Variants in GRIA4 observed in about 807,000 individuals in gnomAD.
The protein encoded by GRIA4 is glutamate receptor 4.
GRIA4 carries 34 observed loss-of-function variants against 104.0 expected under a neutral mutation model. That is an observed-to-expected ratio of 0.33 (90% CI 0.25 to 0.44). The LOEUF (loss-of-function observed/expected upper bound fraction) is 0.44, where lower values mean the gene tolerates loss of function less well. Ranked by LOEUF, GRIA4 falls within the 20% of genes least tolerant of loss-of-function variation. The pLI is 1.00. For missense variants in GRIA4, 750 were observed against 1,096.5 expected (o/e 0.68, Z 4.46); for synonymous variants, 386 against 381.9 (o/e 1.01, Z -0.13).
chr11:105,744,357 G>A (rs1218249870), intron 3 of GRIA4, among the ~76,000 whole-genome samples: 1 of 152,134 alleles, frequency 6.6e-6, no homozygotes, highest in Non-Finnish European at 1.5e-5. Flanking sequence ...TACTAAAGAA[G>A]GAGAAAACAC....
chr11:105,875,487 T>A (rs1364463902), intron 5 of GRIA4, among the ~76,000 whole-genome samples: 2 of 152,196 alleles, frequency 1.3e-5, no homozygotes, highest in Non-Finnish European at 2.9e-5. Flanking sequence ...TCAGAAGGAA[T>A]GGTACCAACT....
intron 4 of GRIA4, among the ~76,000 whole-genome samples, chr11:105,849,409 C>T (rs772122765): frequency 7.9e-5 from 12 of 152,148 alleles, no homozygotes; most frequent in Non-Finnish European, 1.5e-4. Flanking sequence ...CTGAAGGAGA[C>T]ACCTAGTGTA....
At chr11:105,709,319 A>G (rs1289935198) in intron 3 of GRIA4, among the ~76,000 whole-genome samples, 1 of 152,168 alleles carries the variant, frequency 6.6e-6, no homozygotes, top group Non-Finnish European at 1.5e-5. Flanking sequence ...CAGCTTTTCC[A>G]TATGGTAAAC....
chr11:105,941,902 A>AAAG (rs1362975816), intron 14 of GRIA4, among the ~76,000 whole-genome samples: 2 of 152,220 alleles, frequency 1.3e-5, no homozygotes, highest in Middle Eastern at 6.8e-3. Context: ...ATTTTGTAAT[A>AAAG]ATAACAGGCC....
intron 4 of GRIA4, among the ~76,000 whole-genome samples, chr11:105,821,018 C>G (rs1279828157): frequency 7.9e-5 from 12 of 152,124 alleles, no homozygotes; most frequent in Admixed American, 7.9e-4. Context: ...AATTGGTTCT[C>G]TATTTACTGT....
chr11:105,909,996 T>C (rs1947173948), intron 9 of GRIA4, among the ~76,000 whole-genome samples: 2 of 152,198 alleles, frequency 1.3e-5, no homozygotes, highest in Admixed American at 1.3e-4. Flanking sequence ...CAAGTTTCTT[T>C]TGCTTGAAAA....
chr11:105,623,924 C>T (rs1045082479), intron 3 of GRIA4, among the ~76,000 whole-genome samples: 4 of 151,974 alleles, frequency 2.6e-5, no homozygotes, highest in Non-Finnish European at 5.9e-5. Context: ...AAATAGGAAT[C>T]GGTAAATATC....
chr11:105,699,683 C>G (rs1183728638), intron 3 of GRIA4, among the ~76,000 whole-genome samples: 1 of 152,028 alleles, frequency 6.6e-6, no homozygotes, highest in Non-Finnish European at 1.5e-5. Context: ...ACACTTATTT[C>G]CTCTGCTTGG....
In GRIA4 at chr11:105,972,011, A is replaced by T. The variant is rs751426589; in HGVS notation, c.2392A>T (p.Lys798Ter). ...WWYDKGECGP[K>*]DSGSKDKTSA... ...GTACGATAAAGGTGAATGTGGACCC[A>T]AGGACTCTGGAAGCAAGGTCAGTCG... Residue 798 changes from lysine (K) to a stop codon, truncating the protein, a stop_gained, in exon 15 of 17, where the codon AAG becomes TAG. Coordinates refer to ENST00000282499, the MANE Select transcript of GRIA4 (RefSeq NM_000829.4). LOFTEE classifies it high-confidence loss of function. 1 of 1,611,340 alleles carries T rather than the reference A, an allele frequency of 6.2e-7. No individual in the cohort carries two copies. Among genetic ancestry groups the T allele is most frequent in the Non-Finnish European group, 8.5e-7 (1 of 1,177,750 alleles).
chr11:105,712,161 T>G (rs538155625), intron 3 of GRIA4, among the ~76,000 whole-genome samples: 2 of 152,168 alleles, frequency 1.3e-5, no homozygotes, highest in South Asian at 4.1e-4. Context: ...CAGCTCACTG[T>G]AATTTATCTG....
intron 14 of GRIA4, among the ~76,000 whole-genome samples, chr11:105,947,037 G>T (rs1253049329): frequency 1.6e-4 from 25 of 152,146 alleles, no homozygotes; most frequent in Admixed American, 1.6e-3. Context: ...TGTTTTCTGA[G>T]CAGGAACAAT....
chr11:105,758,346 T>A (rs1230454491), intron 4 of GRIA4, among the ~76,000 whole-genome samples: 1 of 152,186 alleles, frequency 6.6e-6, no homozygotes, highest in African/African-American at 2.4e-5. Flanking sequence ...GAGAACATGT[T>A]CCTTAAAAAT....
intron 5 of GRIA4, among the ~76,000 whole-genome samples, chr11:105,880,025 A>C (rs1403715155): frequency 6.6e-6 from 1 of 152,120 alleles, no homozygotes; most frequent in East Asian, 1.9e-4. Context: ...GGAAGGAATT[A>C]CCCCTTCCAC....
intron 3 of GRIA4, among the ~76,000 whole-genome samples, chr11:105,701,739 T>C (rs1191768772): frequency 6.6e-6 from 1 of 152,168 alleles, no homozygotes; most frequent in East Asian, 1.9e-4. Context: ...TTGTTGGATG[T>C]GTGACAGCAC....
chr11:105,830,555 A>T (rs1943938018), intron 4 of GRIA4, among the ~76,000 whole-genome samples: 1 of 152,028 alleles, frequency 6.6e-6, no homozygotes, highest in Admixed American at 6.6e-5. Flanking sequence ...GTAGATGATA[A>T]GCTAGATCTC....
At chr11:105,843,797 A>C (rs1331105853) in intron 4 of GRIA4, among the ~76,000 whole-genome samples, 1 of 152,230 alleles carries the variant, frequency 6.6e-6, no homozygotes, top group Non-Finnish European at 1.5e-5. Context: ...AGGATGAGAA[A>C]AATGATACAA....
intron 7 of GRIA4, among the ~76,000 whole-genome samples, chr11:105,899,216 T>A (rs894510809): frequency 6.6e-6 from 1 of 152,220 alleles, no homozygotes; most frequent in African/African-American, 2.4e-5. Flanking sequence ...ATATTGGCTA[T>A]GTCCATTTCT....
At chr11:105,710,828 T>A (rs1169940884) in intron 3 of GRIA4, among the ~76,000 whole-genome samples, 1 of 152,156 alleles carries the variant, frequency 6.6e-6, no homozygotes, top group Non-Finnish European at 1.5e-5. Flanking sequence ...ATCCAGTATG[T>A]GTGTTTTCAC....
intron 3 of GRIA4, among the ~76,000 whole-genome samples, chr11:105,721,207 C>A (rs1337743343): frequency 5.9e-5 from 9 of 152,050 alleles, no homozygotes. Flanking sequence ...GCAAAAATAA[C>A]TATTTTAGGA....
Sources: gnomAD v4.1 joint callset for allele counts (sites outside exome capture counted in the v4.1 genomes callset) on GRCh38, gnomAD v4.1.1 for gene constraint, MANE v1.5 for transcripts, NCBI Gene and HGNC (gene_info 2026-07-23, HGNC 2026-07-21) for gene names.